Variants in TPX2 observed in about 807,000 individuals in gnomAD.
TPX2 encodes targeting protein for Xklp2.
TPX2 carries 21 observed loss-of-function variants against 93.6 expected under a neutral mutation model. That is an observed-to-expected ratio of 0.22 (90% CI 0.16 to 0.32). The LOEUF (loss-of-function observed/expected upper bound fraction) is 0.32. TPX2 is among the 10% of genes least tolerant of loss of function. The pLI is 1.00. For missense variants in TPX2, 776 were observed against 871.1 expected (o/e 0.89, Z 1.37); for synonymous variants, 281 against 298.3 (o/e 0.94, Z 0.60).
intron 2 of TPX2, among the ~76,000 whole-genome samples, chr20:31,745,650 A>G (rs143769456): frequency 1.6e-4 from 25 of 152,238 alleles, no homozygotes; most frequent in African/African-American, 6.0e-4. Context: ...CTTGGGTTTG[A>G]GTGTTTGTGT....
intron 5 of TPX2, 25 bp downstream of exon 5, chr20:31,766,707 G>T (rs1384421951): frequency 1.2e-6 from 2 of 1,604,662 alleles, no homozygotes; most frequent in Non-Finnish European, 1.7e-6. Context: ...TCTCAAAGTG[G>T]TGGTTATGAT....
intron 12 of TPX2, among the ~76,000 whole-genome samples, chr20:31,785,337 T>C (rs968209160): frequency 4.6e-5 from 7 of 152,164 alleles, no homozygotes; most frequent in African/African-American, 1.7e-4. Context: ...GTGTTGTGAA[T>C]ACAACAAGGG....
At chr20:31,753,464 C>T (rs1387795146) in intron 2 of TPX2, among the ~76,000 whole-genome samples, 1 of 152,128 alleles carries the variant, frequency 6.6e-6, no homozygotes, top group Non-Finnish European at 1.5e-5. Flanking sequence ...ACTGTTTTTA[C>T]CATGATCCTT....
chr20:31,794,174 A>G, intron 14 of TPX2, 150 bp downstream of exon 14: 1 of 1,091,424 alleles, frequency 9.2e-7, no homozygotes, highest in Non-Finnish European at 1.3e-6. Flanking sequence ...AGTAATTTAA[A>G]TAATCCTTCT....
chr20:31,786,134 A>G (rs1415488710), intron 12 of TPX2, among the ~76,000 whole-genome samples: 1 of 152,110 alleles, frequency 6.6e-6, no homozygotes, highest in Non-Finnish European at 1.5e-5. Context: ...CTATGAGGTA[A>G]GCACTGTAGG....
At chr20:31,776,195 C>G (rs2061998031) in intron 8 of TPX2, among the ~76,000 whole-genome samples, 2 of 151,108 alleles carry the variant, frequency 1.3e-5, no homozygotes, top group South Asian at 4.2e-4. Context: ...ATTCTCCTGC[C>G]TCAGCCTCCC....
chr20:31,764,980 G>A (rs998789836), intron 4 of TPX2, among the ~76,000 whole-genome samples: 3 of 149,750 alleles, frequency 2.0e-5, no homozygotes, highest in Admixed American at 6.7e-5. Context: ...TTGCAGACAG[G>A]GTCTCAGTGT....
intron 11 of TPX2, among the ~76,000 whole-genome samples, chr20:31,783,310 GGT>G (rs2062045632): frequency 6.6e-6 from 1 of 151,912 alleles, no homozygotes; most frequent in Non-Finnish European, 1.5e-5. Flanking sequence ...GGAGTGCAGT[GGT>G]GCCTCTAAGC....
chr20:31,769,162 A>T (rs2061947661), intron 5 of TPX2, among the ~76,000 whole-genome samples: 1 of 152,096 alleles, frequency 6.6e-6, no homozygotes, highest in Non-Finnish European at 1.5e-5. Context: ...ATATGTAACT[A>T]ACCTGCCCAT....
In TPX2 at chr20:31,773,700, AATT is replaced by A. The variant is rs1330786757; in HGVS notation, c.608+2025_608+2027del. 6.6e-5 allele frequency among the ~76,000 whole-genome samples: 10 copies of A among 152,288 alleles called. No homozygotes were observed. In the South Asian group the frequency reaches 1.0e-3, roughly 16 times the overall value. ...TTTTAAATTCATATAGATGGCATGA[AATT>A]ATTATTTTAAAAATTTAATTGTAAA... On this transcript the variant is annotated intron_variant, in intron 7 of 17. Coordinates refer to ENST00000300403, the MANE Select transcript of TPX2 (RefSeq NM_012112.5).
intron 12 of TPX2, among the ~76,000 whole-genome samples, chr20:31,788,092 C>G (rs1261394338): frequency 6.6e-6 from 1 of 152,026 alleles, no homozygotes; most frequent in African/African-American, 2.4e-5. Flanking sequence ...TTATAGCTTG[C>G]CTATGGAAAC....
intron 3 of TPX2, 58 bp downstream of exon 3, chr20:31,757,640 AC>A: frequency 1.5e-6 from 2 of 1,352,508 alleles, no homozygotes; most frequent in African/African-American, 1.5e-5. Context: ...TGTGCTGAAG[AC>A]CTTTCAATAA....
At chr20:31,741,113 T>A (rs768250563) in intron 1 of TPX2, among the ~76,000 whole-genome samples, 6 of 152,212 alleles carry the variant, frequency 3.9e-5, no homozygotes, top group Non-Finnish European at 7.3e-5. Context: ...TTTCTTTAGT[T>A]ACCAGGAGAT....
intron 1 of TPX2, among the ~76,000 whole-genome samples, chr20:31,740,975 C>G (rs576195007): frequency 6.6e-6 from 1 of 152,298 alleles, no homozygotes; most frequent in South Asian, 2.1e-4. Flanking sequence ...TTTGTTTAGA[C>G]TTTCAAATTA....
intron 10 of TPX2, among the ~76,000 whole-genome samples, chr20:31,781,932 C>T (rs1229027332): frequency 6.6e-6 from 1 of 151,924 alleles, no homozygotes; most frequent in Non-Finnish European, 1.5e-5. Flanking sequence ...CAGAGTGAGA[C>T]CCTGTCTCAA....
At chr20:31,748,751 T>A (rs1457409311) in intron 2 of TPX2, among the ~76,000 whole-genome samples, 4 of 152,152 alleles carry the variant, frequency 2.6e-5, no homozygotes, top group Non-Finnish European at 5.9e-5. Flanking sequence ...TCTCTGAGCT[T>A]GTTTCCTTGT....
intron 1 of TPX2, among the ~76,000 whole-genome samples, chr20:31,741,458 T>C (rs975790835): frequency 3.3e-5 from 5 of 151,106 alleles, no homozygotes; most frequent in African/African-American, 1.2e-4. Flanking sequence ...ATTATAGGGA[T>C]CTGCCACCAC....
intron 16 of TPX2, 52 bp downstream of exon 16, chr20:31,797,567 AG>A (rs1555788650): frequency 2.7e-6 from 4 of 1,502,382 alleles, no homozygotes; most frequent in Non-Finnish European, 3.7e-6. Flanking sequence ...CAGACTTCCC[AG>A]TGGGATGCTG....
In TPX2 at chr20:31,793,421, G is replaced by A. The variant is rs536440480; in HGVS notation, c.1510-427G>A. Among the ~76,000 whole-genome samples the A allele has an allele frequency of 4.6e-5, 7 of 152,296 alleles. No individual in the cohort carries two copies. The South Asian group carries it at 1.2e-3, about 27-fold the overall frequency. ...GGTTCATTTGAAACTAAAATACGCA[G>A]TAATCTTGTGTTACCAGCTTGAACC... On this transcript the variant is annotated intron_variant, in intron 13 of 17. Transcript: ENST00000300403.
Sources: gnomAD v4.1 joint callset for allele counts (sites outside exome capture counted in the v4.1 genomes callset) on GRCh38, gnomAD v4.1.1 for gene constraint, MANE v1.5 for transcripts, NCBI Gene and HGNC (gene_info 2026-07-23, HGNC 2026-07-21) for gene names.